The following FHDC1 variants were observed in gnomAD, a reference collection of about 807,000 sequenced individuals.
FHDC1 encodes FH2 domain containing 1, also known as FH2 domain-containing protein 1.
Under a neutral mutation model 52.6 loss-of-function variants are expected in FHDC1, and 25 were observed. The ratio of observed to expected loss-of-function variants is 0.48; its 90% CI spans 0.35 to 0.66. The LOEUF is 0.66. Among genes scored for constraint, FHDC1 ranks in the 30% least tolerant of loss-of-function variants. The probability of loss-of-function intolerance (pLI) is 0.01; values close to 1 mark genes in which losing one functional copy is unlikely to be tolerated. For synonymous variants in FHDC1, 616 were observed against 581.5 expected, an observed-to-expected ratio of 1.06 and a Z score of -0.85; for missense variants, 1,459 against 1,452.8, an observed-to-expected ratio of 1.00 and a Z score of -0.07.
At chr4:152,928,466 G>T in the FHDC1 span, among the ~76,000 whole-genome samples, 21 of 152,212 alleles carry the variant, frequency 1.4e-4, no homozygotes, top group Non-Finnish European at 2.6e-4. Flanking sequence ...TGGGAGGAGG[G>T]AAAGGCCCAG....
Position 152,976,279 on chromosome 4 carries a change from G to C in FHDC1, c.2988G>C (p.Lys996Asn). 6.2e-7 allele frequency: 1 copy of C among 1,613,488 alleles called. No homozygotes were observed. The highest frequency in any genetic ancestry group is 8.5e-7 in the Non-Finnish European group (1 of 1,179,990). ...AKPLRNLPRQ[K>N]PEENKTCRAH... is the part of the protein sequence containing the mutation. The stretch of plus-strand genomic sequence containing the variant: ...CACTCAGGAACCTCCCCAGACAGAA[G>C]CCTGAGGAAAATAAGACCTGCCGCG... The change falls in exon 12 of 12, where the codon AAG becomes AAC. Residue 996 changes from lysine (K) to asparagine (N), a missense_variant. Lys to Asn is a moderately conservative substitution (Grantham distance 94, BLOSUM62 0). This residue lies in a region of FHDC1 where 939 missense variants were observed against 854.5 expected (regional missense o/e 1.10). Coordinates refer to ENST00000511601, the MANE Select transcript of FHDC1 (RefSeq NM_001371116.1).
At chr4:152,959,033 C>A (rs1035411564) in intron 4 of FHDC1, among the ~76,000 whole-genome samples, 7 of 152,126 alleles carry the variant, frequency 4.6e-5, no homozygotes, top group African/African-American at 1.7e-4. Flanking sequence ...ATACTCCTTT[C>A]TTTATATTTT....
chr4:152,960,779 A>G lies in FHDC1; in HGVS notation c.785A>G (p.Lys262Arg), dbSNP rs1274801306. The change falls in exon 6 of 12, where the codon AAG becomes AGG. Residue 262 changes from lysine (K) to arginine (R), a missense_variant. By Grantham distance (26) the Lys-to-Arg change is conservative (BLOSUM62 2). Around this residue, in one of 3 missense-constraint regions of FHDC1, gnomAD observed 513 missense variants for 581.5 expected, o/e 0.88. Transcript: ENST00000511601. ...CGGATTGAAGCCATGGTGCTAAAGAAGGAATTTCTACCTTCTTGCTCTTCT... is the reference window on the plus strand; with the variant it reads ...CGGATTGAAGCCATGGTGCTAAAGAGGGAATTTCTACCTTCTTGCTCTTCT... Reference protein sequence around the residue: ...SLRIEAMVLKKEFLPSCSSLY... With the variant: ...SLRIEAMVLKREFLPSCSSLY... 2 of 1,613,230 alleles carry G rather than the reference A, an allele frequency of 1.2e-6. No individual in the cohort carries two copies. The highest frequency in any genetic ancestry group is 8.5e-7 in the Non-Finnish European group (1 of 1,179,852).
chr4:152,942,263 G>C (rs140015740), intron 1 of FHDC1, among the ~76,000 whole-genome samples: 83 of 152,314 alleles, frequency 5.4e-4, no homozygotes, highest in African/African-American at 1.9e-3. Flanking sequence ...AGTCTGGTGA[G>C]GCAAAGTGAC....
chr4:152,974,780 C>T lies in FHDC1; in HGVS notation c.1489C>T (p.Arg497Trp), dbSNP rs375746628. Residue 497 changes from arginine to tryptophan, a missense_variant, in exon 12 of 12, where the codon CGG becomes TGG. Arg to Trp is a moderately radical substitution (Grantham distance 101). Transcript: ENST00000511601. ...WATGELGAFG[R>W]SSSENDVELL... Reference sequence around the variant, plus strand: ...AACTGGGGAGCTGGGGGCATTTGGCCGGAGCAGCAGTGAGAATGATGTGGA... The same window carrying T: ...AACTGGGGAGCTGGGGGCATTTGGCTGGAGCAGCAGTGAGAATGATGTGGA... The T allele has an allele frequency of 5.8e-6, 9 of 1,540,352 alleles. No homozygotes were observed. The highest frequency in any genetic ancestry group is 1.3e-5 in the South Asian group (1 of 79,776).
chr4:152,915,158 C>CT, the FHDC1 span, among the ~76,000 whole-genome samples: 2 of 152,146 alleles, frequency 1.3e-5, no homozygotes, highest in Non-Finnish European at 2.9e-5. Flanking sequence ...CTTATTATGA[C>CT]TAGACATTCA....
At chr4:152,927,972 A>G in the FHDC1 span, 2 of 1,484,806 alleles carry the variant, frequency 1.3e-6, no homozygotes, top group South Asian at 2.3e-5. Flanking sequence ...CCGGACCCTG[A>G]GCCAGATGAC....
chr4:152,943,857 G>C (rs973038460), intron 2 of FHDC1, among the ~76,000 whole-genome samples: 1 of 147,940 alleles, frequency 6.8e-6, no homozygotes, highest in Admixed American at 6.7e-5. Context: ...TCCCCTGTTG[G>C]AGAATTCTGC....
At chr4:152,962,249 G>A (rs772493763) in intron 6 of FHDC1, among the ~76,000 whole-genome samples, 1 of 152,212 alleles carries the variant, frequency 6.6e-6, no homozygotes, top group Non-Finnish European at 1.5e-5. Flanking sequence ...CAAATGAAAT[G>A]TGTGGCTTTG....
the FHDC1 span, among the ~76,000 whole-genome samples, chr4:152,916,472 G>C: frequency 1.3e-5 from 2 of 151,958 alleles, no homozygotes; most frequent in Non-Finnish European, 2.9e-5. Context: ...AGATGTCAAA[G>C]TAAATATGGC....
At chr4:152,959,837 T>C (rs1023026652) in intron 4 of FHDC1, among the ~76,000 whole-genome samples, 13 of 152,214 alleles carry the variant, frequency 8.5e-5, no homozygotes, top group Admixed American at 8.5e-4. Context: ...TACTATTTTA[T>C]TGCCTAGTCT....
chr4:152,936,881 C>G, intron 1 of FHDC1, among the ~76,000 whole-genome samples: 1 of 152,384 alleles, frequency 6.6e-6, no homozygotes, highest in East Asian at 1.9e-4. Context: ...GTTCCCTAGC[C>G]AGCCGGGGGC....
chr4:152,955,604 C>T (rs1740059388), intron 4 of FHDC1, among the ~76,000 whole-genome samples: 2 of 152,218 alleles, frequency 1.3e-5, no homozygotes, highest in Admixed American at 1.3e-4. Flanking sequence ...CCTGCCTCAG[C>T]TTCCCAAGTA....
the FHDC1 span, among the ~76,000 whole-genome samples, chr4:152,924,574 G>A: frequency 3.9e-5 from 6 of 151,968 alleles, no homozygotes; most frequent in African/African-American, 7.3e-5. Context: ...TGTTTATTGC[G>A]GCACTATTCA....
chr4:152,966,911 G>T (rs1740478768), intron 9 of FHDC1, among the ~76,000 whole-genome samples: 1 of 152,200 alleles, frequency 6.6e-6, no homozygotes, highest in African/African-American at 2.4e-5. Context: ...CTTGAGACCA[G>T]TAGTTTGAGA....
chr4:152,938,356 T>C (rs1041170353), intron 1 of FHDC1, among the ~76,000 whole-genome samples: 3 of 152,138 alleles, frequency 2.0e-5, no homozygotes, highest in African/African-American at 4.8e-5. Flanking sequence ...TGTCCTGGGT[T>C]CTTTCACTAC....
At position 152,964,978 on chromosome 4, in the gene FHDC1, G is replaced by T; in HGVS notation, c.1100+3G>T. On this transcript the variant is annotated splice_donor_region_variant and intron_variant, in intron 9 of 11. Transcript: ENST00000511601. Reference sequence around the variant, plus strand: ...CATCATGTTCAGAAGACTGCTAGGTGAGCAAGTGAATTGTGAGAATTCAAG... The same window carrying T: ...CATCATGTTCAGAAGACTGCTAGGTTAGCAAGTGAATTGTGAGAATTCAAG... 6.2e-7 allele frequency: 1 copy of T among 1,606,444 alleles called. No individual in the cohort carries two copies.
At chr4:152,949,170 A>AAGAAGAAGAAGAAGAAGAAGC (rs1165422183) in intron 2 of FHDC1, among the ~76,000 whole-genome samples, 90 of 142,598 alleles carry the variant, frequency 6.3e-4, no homozygotes, top group Middle Eastern at 3.7e-3. Flanking sequence ...GAAGAAGAAG[A>AAGAAGAAGAAGAAGAAGAAGC]AGCAGAAGAA....
intron 2 of FHDC1, among the ~76,000 whole-genome samples, chr4:152,952,011 C>T (rs1373160784): frequency 6.6e-6 from 1 of 152,090 alleles, no homozygotes. Context: ...ATCCTGATTC[C>T]AGAGATCAGA....
Sources: allele counts gnomAD v4.1 joint callset (sites outside exome capture counted in the v4.1 genomes callset), GRCh38; gene constraint gnomAD v4.1.1; regional missense constraint gnomAD v4.1.1; transcripts MANE v1.5; gene names NCBI Gene and HGNC (gene_info 2026-07-23, HGNC 2026-07-21).